Variants in C5 observed in about 807,000 individuals in gnomAD.
The protein encoded by C5 is C3 and PZP-like alpha-2-macroglobulin domain-containing protein 4.
C5 carries 140 observed loss-of-function variants against 218.8 expected under a neutral mutation model. The ratio of observed to expected loss-of-function variants is 0.64; its 90% CI spans 0.56 to 0.74. The LOEUF is 0.74. C5 is among the 30% of genes least tolerant of loss of function. C5 has a pLI of 0.00. For missense variants in C5, 1,700 were observed against 1,969.6 expected, an observed-to-expected ratio of 0.86 and a Z score of 2.59; for synonymous variants, 614 against 682.3, an observed-to-expected ratio of 0.90 and a Z score of 1.56.
Position 120,952,903 on chromosome 9 carries a change from A to C in C5, c.4902-35T>G, listed in dbSNP as rs542522406. Reference sequence around the variant, plus strand: ...AACAAAGTGTTTGTGAGGTGGCCACAAAACAGAAAAGCTGAATTTGATTTC... The same window carrying C: ...AACAAAGTGTTTGTGAGGTGGCCACCAAACAGAAAAGCTGAATTTGATTTC... On this transcript the variant is annotated intron_variant, in intron 40 of 40. Transcript: ENST00000223642. 25 of 1,610,682 alleles carry C rather than the reference A, an allele frequency of 1.6e-5. No individual in the cohort carries two copies. The East Asian group carries it at 3.4e-4, about 22-fold the overall frequency.
intron 21 of C5, among the ~76,000 whole-genome samples, chr9:120,997,238 G>C (rs549205784): frequency 6.6e-6 from 1 of 152,060 alleles, no homozygotes; most frequent in African/African-American, 2.4e-5. Context: ...AAAAAAAGAC[G>C]TGTACCAATT....
intron 31 of C5, among the ~76,000 whole-genome samples, chr9:120,971,184 A>G (rs2046909976): frequency 6.6e-6 from 1 of 151,138 alleles, no homozygotes; most frequent in East Asian, 1.9e-4. Flanking sequence ...AAAAAAAAAA[A>G]AAAAGAAAAA....
At chr9:121,061,414 T>C in the C5 span, among the ~76,000 whole-genome samples, 1 of 152,092 alleles carries the variant, frequency 6.6e-6, no homozygotes, top group Admixed American at 6.6e-5. Flanking sequence ...CCGGGCGTGG[T>C]GGCATGTGCC....
At chr9:121,001,510 T>C (rs2047161277) in intron 20 of C5, among the ~76,000 whole-genome samples, 1 of 152,094 alleles carries the variant, frequency 6.6e-6, no homozygotes, top group African/African-American at 2.4e-5. Context: ...TAACAAACAA[T>C]ATATAGCGCG....
chr9:121,065,886 A>T, the C5 span, among the ~76,000 whole-genome samples: 1 of 152,226 alleles, frequency 6.6e-6, no homozygotes, highest in African/African-American at 2.4e-5. Context: ...AAAAGGATGT[A>T]AAGAAACTGT....
At chr9:120,987,836 G>A (rs765047708) in intron 25 of C5, among the ~76,000 whole-genome samples, 10 of 151,656 alleles carry the variant, frequency 6.6e-5, no homozygotes, top group Admixed American at 3.9e-4. Flanking sequence ...TCTGTCACCC[G>A]GGCTGGAGTG....
chr9:121,067,214 G>T, the C5 span, among the ~76,000 whole-genome samples: 1 of 151,866 alleles, frequency 6.6e-6, no homozygotes, highest in Non-Finnish European at 1.5e-5. Context: ...GCTGCAGTGA[G>T]CCATAATTGC....
chr9:120,993,120 T>C (rs1230843331), intron 22 of C5, among the ~76,000 whole-genome samples: 2 of 152,226 alleles, frequency 1.3e-5, no homozygotes, highest in African/African-American at 4.8e-5. Context: ...TAGTGCTTTA[T>C]ACCCATTAAA....
At chr9:121,028,118 G>A in intron 7 of C5, among the ~76,000 whole-genome samples, 1 of 152,206 alleles carries the variant, frequency 6.6e-6, no homozygotes, top group East Asian at 1.9e-4. Flanking sequence ...GGTCATCAGA[G>A]AAATGCAAAT....
At chr9:120,969,192 G>A in intron 32 of C5, 74 bp from the exon 33 acceptor site, 1 of 1,178,296 alleles carries the variant, frequency 8.5e-7, no homozygotes, top group Non-Finnish European at 1.3e-6. Context: ...GAACCTGTCA[G>A]AACAGAATCA....
intron 5 of C5, among the ~76,000 whole-genome samples, chr9:121,033,414 A>T (rs77414844): frequency 6.6e-6 from 1 of 152,368 alleles, no homozygotes; most frequent in East Asian, 1.9e-4. Flanking sequence ...GCCTTTTTGT[A>T]GTAGCTTCTA....
At chr9:120,955,147 T>C (rs2131660585) in intron 39 of C5, among the ~76,000 whole-genome samples, 1 of 152,348 alleles carries the variant, frequency 6.6e-6, no homozygotes, top group Admixed American at 6.5e-5. Flanking sequence ...TGATTCTAAA[T>C]GGCTTATGGT....
At position 121,020,069 on chromosome 9, in the gene C5, A is replaced by T. The variant is rs201640401; in HGVS notation, c.1413T>A (p.Asp471Glu). 2 of 1,613,212 alleles carry T rather than the reference A, an allele frequency of 1.2e-6. No homozygotes were observed. The highest frequency in any genetic ancestry group is 1.7e-6 in the Non-Finnish European group (2 of 1,179,162). Residue 471 changes from aspartate to glutamate, a missense_variant, in exon 12 of 41, where the codon GAT becomes GAA. Asp to Glu is a conservative substitution (Grantham distance 45). Coordinates refer to ENST00000223642, the MANE Select transcript of C5 (RefSeq NM_001735.3). ...SQSYLYIDWT[D>E]NHKALLVGEH... Reference sequence around the variant, plus strand: ...CTCCCACTAGCAAAGCCTTATGGTTATCAGTCCAATCAATATAAAGGTAAC... The same window carrying T: ...CTCCCACTAGCAAAGCCTTATGGTTTTCAGTCCAATCAATATAAAGGTAAC...
chr9:120,979,884 A>C (rs1457409548), intron 28 of C5, among the ~76,000 whole-genome samples, 199 bp downstream of exon 28: 1 of 152,200 alleles, frequency 6.6e-6, no homozygotes, highest in African/African-American at 2.4e-5. Flanking sequence ...GTCTTAAAAA[A>C]AAGAATAAAT....
the C5 span, among the ~76,000 whole-genome samples, chr9:121,073,631 A>G: frequency 1.3e-5 from 2 of 148,590 alleles, no homozygotes; most frequent in South Asian, 2.1e-4. Flanking sequence ...ATCCTCCTGC[A>G]GCCTCTCAAG....
intron 22 of C5, among the ~76,000 whole-genome samples, chr9:120,994,750 T>C (rs2047103758): frequency 6.6e-6 from 1 of 152,014 alleles, no homozygotes; most frequent in Non-Finnish European, 1.5e-5. Context: ...TATGAGAAGA[T>C]TGGAAAGAGG....
At chr9:121,070,920 T>C in the C5 span, among the ~76,000 whole-genome samples, 3 of 152,168 alleles carry the variant, frequency 2.0e-5, no homozygotes, top group Non-Finnish European at 4.4e-5. Flanking sequence ...TTTGGGATGA[T>C]GGATATGCTA....
At position 121,015,183 on chromosome 9, in the gene C5, A is replaced by G; in HGVS notation, c.2059+16T>C. On this transcript the variant is annotated intron_variant, in intron 16 of 40. Transcript: ENST00000223642. Reference sequence around the variant, plus strand: ...ATGACCATAACCTTTTTACAATCACATGAATCTTACAGTACCTATTTCTTC... The same window carrying G: ...ATGACCATAACCTTTTTACAATCACGTGAATCTTACAGTACCTATTTCTTC... 6.5e-7 allele frequency: 1 copy of G among 1,550,366 alleles called. No homozygotes were observed. The highest frequency in any genetic ancestry group is 8.9e-7 in the Non-Finnish European group (1 of 1,123,620).
At chr9:121,024,226 AG>A (rs1564156384) in intron 9 of C5, among the ~76,000 whole-genome samples, 1 of 9,180 alleles carries the variant, frequency 1.1e-4, no homozygotes. Context: ...GAGGGGAGGG[AG>A]GGAGGGGAGG....
Sources: gnomAD v4.1 joint callset for allele counts (sites outside exome capture counted in the v4.1 genomes callset) on GRCh38, gnomAD v4.1.1 for gene constraint, MANE v1.5 for transcripts, NCBI Gene and HGNC (gene_info 2026-07-23, HGNC 2026-07-21) for gene names.